ANOS1: variants seen among roughly 807,000 people sequenced by gnomAD.
ANOS1 encodes anosmin-1.
A neutral mutation model predicts 59.0 loss-of-function variants in ANOS1; 6 were observed. The ratio of observed to expected loss-of-function variants is 0.10; its 90% CI spans 0.06 to 0.20. ANOS1 has a LOEUF of 0.20. Ranked by LOEUF, ANOS1 falls within the 10% of genes least tolerant of loss-of-function variation. ANOS1 has a pLI of 1.00. For synonymous variants in ANOS1, 217 were observed against 223.4 expected, an observed-to-expected ratio of 0.97 and a Z score of 0.25; for missense variants, 433 against 542.3, an observed-to-expected ratio of 0.80 and a Z score of 2.00.
chrX:8,568,917 C>T (rs1051185768), intron 7 of ANOS1, among the ~76,000 whole-genome samples: 2 of 111,554 alleles, frequency 1.8e-5, no homozygotes, highest in Non-Finnish European at 3.8e-5. Context: ...GTCTCAGATA[C>T]CATGGAAATA....
intron 2 of ANOS1, among the ~76,000 whole-genome samples, chrX:8,673,299 G>C (rs1381482433): frequency 9.4e-6 from 1 of 106,061 alleles, no homozygotes; most frequent in Non-Finnish European, 1.9e-5. Context: ...TATTTTCTTT[G>C]CTTACTGATG....
chrX:8,731,895 G>A lies in ANOS1; in HGVS notation c.142C>T (p.Arg48Cys). The A allele has an allele frequency of 8.4e-7, 1 of 1,190,353 alleles. No homozygotes were observed. The highest frequency in any genetic ancestry group is 1.8e-5 in the South Asian group (1 of 54,800). ...SLSAGSVQRA[R>C]CASRCLSLQI... ...AGGCTCAGGCACCTGGAGGCGCAGC[G>A]AGCGCGCTGGACGCTCCCGGCAGAC... is the stretch of plus-strand genomic sequence containing the variant. The change falls in exon 1 of 14, where the codon CGC becomes TGC. Residue 48 changes from arginine to cysteine, a missense_variant. Physicochemically the swap from Arg to Cys is radical, Grantham distance 180. Transcript: ENST00000262648.
chrX:8,574,887 C>T (rs1405788735), intron 6 of ANOS1, among the ~76,000 whole-genome samples: 1 of 111,566 alleles, frequency 9.0e-6, no homozygotes, highest in Non-Finnish European at 1.9e-5. Flanking sequence ...GTGACTAATA[C>T]ACAAACTGAC....
At chrX:8,711,750 CTCAG>C (rs1162103633) in intron 1 of ANOS1, among the ~76,000 whole-genome samples, 2 of 112,613 alleles carry the variant, frequency 1.8e-5, no homozygotes, top group Non-Finnish European at 3.7e-5. Context: ...TCTAAAATCC[CTCAG>C]TAAGTTTTGA....
chrX:8,731,083 A>G (rs1932971885), intron 1 of ANOS1, among the ~76,000 whole-genome samples: 1 of 111,658 alleles, frequency 9.0e-6, no homozygotes, highest in African/African-American at 3.3e-5. Context: ...GGTTTGGGGG[A>G]CGGTTCCCCC....
intron 1 of ANOS1, among the ~76,000 whole-genome samples, chrX:8,712,933 C>G (rs778836773): frequency 9.0e-6 from 1 of 111,626 alleles, no homozygotes; most frequent in Non-Finnish European, 1.9e-5. Flanking sequence ...GCTTTATGTT[C>G]CTGATCTTTG....
intron 1 of ANOS1, among the ~76,000 whole-genome samples, chrX:8,730,880 G>C (rs1279886131): frequency 8.9e-6 from 1 of 112,781 alleles, no homozygotes. Flanking sequence ...ACTCGCTCGC[G>C]CTGAGTCCGG....
intron 8 of ANOS1, among the ~76,000 whole-genome samples, chrX:8,557,873 A>G (rs1318920398): frequency 8.9e-6 from 1 of 112,034 alleles, no homozygotes; most frequent in Non-Finnish European, 1.9e-5. Flanking sequence ...ACACATGCAC[A>G]CATATGTTTA....
intron 1 of ANOS1, among the ~76,000 whole-genome samples, chrX:8,723,470 C>A (rs5978264): frequency 0.42 from 46,121 of 110,714 alleles, 7,035 homozygotes; most frequent in East Asian, 0.61. Flanking sequence ...ACATGCTCAA[C>A]ATCACTAGTG....
At chrX:8,615,090 AAAG>A (rs1221984719) in intron 3 of ANOS1, among the ~76,000 whole-genome samples, 1 of 111,020 alleles carries the variant, frequency 9.0e-6, no homozygotes, top group Non-Finnish European at 1.9e-5. Context: ...CCTAAGTCGA[AAAG>A]AAGACTTAGA....
chrX:8,577,213 G>A (rs1048273650), intron 6 of ANOS1, among the ~76,000 whole-genome samples: 1 of 111,915 alleles, frequency 8.9e-6, no homozygotes, highest in East Asian at 2.8e-4. Context: ...GCTGCATTTT[G>A]TCTATTAAAT....
intron 4 of ANOS1, among the ~76,000 whole-genome samples, chrX:8,590,875 T>C (rs763453701): frequency 3.6e-5 from 4 of 112,020 alleles, no homozygotes; most frequent in Non-Finnish European, 7.5e-5. Context: ...TGTACTGCCA[T>C]CTTTATCATA....
intron 9 of ANOS1, among the ~76,000 whole-genome samples, chrX:8,542,422 C>A (rs808108): frequency 0.37 from 40,246 of 109,185 alleles, 6,124 homozygotes; most frequent in East Asian, 0.55. Flanking sequence ...AGCCTCATTC[C>A]CTGTATCTGA....
chrX:8,697,672 C>G (rs1443243404), intron 2 of ANOS1, among the ~76,000 whole-genome samples: 1 of 112,096 alleles, frequency 8.9e-6, no homozygotes, highest in African/African-American at 3.2e-5. Flanking sequence ...AATACATCAT[C>G]GGAAAATTGT....
At chrX:8,588,583 C>G (rs1295450279) in intron 4 of ANOS1, among the ~76,000 whole-genome samples, 1 of 111,916 alleles carries the variant, frequency 8.9e-6, no homozygotes, top group East Asian at 2.8e-4. Context: ...TCAAGCATTC[C>G]CCTATATATA....
At chrX:8,673,550 G>A (rs995588425) in intron 2 of ANOS1, among the ~76,000 whole-genome samples, 1 of 109,249 alleles carries the variant, frequency 9.2e-6, no homozygotes, top group Admixed American at 1.0e-4. Context: ...ACAGCCTGGT[G>A]GGACGTCAGC....
chrX:8,694,350 A>T (rs772908176), intron 2 of ANOS1, among the ~76,000 whole-genome samples: 3 of 112,834 alleles, frequency 2.7e-5, no homozygotes. Context: ...TTGTTATTTA[A>T]GAGAAAGGTT....
At chrX:8,572,388 C>G (rs987051167) in intron 6 of ANOS1, among the ~76,000 whole-genome samples, 2 of 111,089 alleles carry the variant, frequency 1.8e-5, no homozygotes, top group African/African-American at 6.5e-5. Context: ...TGCAGTCTTT[C>G]GTTTTCTGTT....
intron 2 of ANOS1, among the ~76,000 whole-genome samples, chrX:8,648,394 G>A (rs1931794250): frequency 1.9e-5 from 2 of 106,877 alleles, no homozygotes; most frequent in South Asian, 4.2e-4. Flanking sequence ...CTGGGAGGCC[G>A]AGGTTGCAGT....
Sources: allele counts gnomAD v4.1 joint callset (sites outside exome capture counted in the v4.1 genomes callset), GRCh38; gene constraint gnomAD v4.1.1; transcripts MANE v1.5; gene names NCBI Gene and HGNC (gene_info 2026-07-23, HGNC 2026-07-21).